Variants in CDH5 observed in about 807,000 individuals in gnomAD.
The protein encoded by CDH5 is cadherin 5.
A neutral mutation model predicts 62.0 loss-of-function variants in CDH5; 28 were observed. The observed-to-expected ratio is 0.45, with a 90% CI of 0.33 to 0.62. CDH5 has a LOEUF of 0.62. Among genes scored for constraint, CDH5 ranks in the 20% least tolerant of loss-of-function variants. CDH5 has a pLI of 0.02. For synonymous variants in CDH5, 464 were observed against 445.8 expected (o/e 1.04, Z -0.52); for missense variants, 940 against 1,065.1 (o/e 0.88, Z 1.63).
chr16:66,373,663 C>T (rs531819038), intron 1 of CDH5, among the ~76,000 whole-genome samples: 5 of 152,066 alleles, frequency 3.3e-5, no homozygotes, highest in Non-Finnish European at 7.4e-5. Context: ...GTGATCCACC[C>T]GCCACAGTTT....
intron 11 of CDH5, 54 bp from the exon 12 acceptor site, chr16:66,402,598 G>T (rs1274471292): frequency 1.4e-6 from 2 of 1,420,810 alleles, no homozygotes; most frequent in Non-Finnish European, 1.9e-6. Flanking sequence ...GGCATGGGGG[G>T]CCGCCCAGGC....
chr16:66,396,269 T>A (rs1165815226), intron 8 of CDH5, 68 bp downstream of exon 8: 3 of 1,595,574 alleles, frequency 1.9e-6, no homozygotes, highest in Non-Finnish European at 2.6e-6. Flanking sequence ...AAAACTGGCA[T>A]AATCAATAAT....
intron 1 of CDH5, among the ~76,000 whole-genome samples, chr16:66,379,060 G>A (rs1960835476): frequency 6.6e-6 from 1 of 152,184 alleles, no homozygotes; most frequent in Non-Finnish European, 1.5e-5. Flanking sequence ...CTGAGGCAGA[G>A]GGTGAGGAGT....
rs1239329000 is a variant in CDH5, at chr16:66,403,372, T to G, written c.*203T>G. 3 of 590,882 alleles carry G rather than the reference T, an allele frequency of 5.1e-6. No individual in the cohort carries two copies. In the African/African-American group the frequency reaches 5.6e-5, roughly 11 times the overall value. The allele number at this position is 590,882 out of a possible 1,614,324, so 36.6% of individuals were successfully genotyped here. A position where few individuals can be genotyped will look rare whatever the true frequency, so the allele number is the denominator to read the frequency against. On this transcript the variant is annotated 3_prime_UTR_variant, in exon 12 of 12. Coordinates refer to ENST00000341529, the MANE Select transcript of CDH5 (RefSeq NM_001795.5). The surrounding 1 kb of genome is among the most constrained non-coding windows in gnomAD (Gnocchi z 4.3). ...AGGAATATATGTCAGTGATGACTATTCTCAAATGCTGGCAAATCCAGGCTG... is the reference window on the plus strand; with the variant it reads ...AGGAATATATGTCAGTGATGACTATGCTCAAATGCTGGCAAATCCAGGCTG...
intron 2 of CDH5, among the ~76,000 whole-genome samples, chr16:66,379,933 G>C (rs111169403): frequency 2.1e-5 from 2 of 95,954 alleles, no homozygotes; most frequent in Admixed American, 2.1e-4. Flanking sequence ...AGGTGTTGGT[G>C]GTGATCACGG....
intron 1 of CDH5, among the ~76,000 whole-genome samples, chr16:66,375,070 G>C (rs8051913): frequency 0.032 from 4,942 of 152,178 alleles, 202 homozygotes; most frequent in African/African-American, 0.097. Flanking sequence ...CTTACACAAA[G>C]AAATCTGGAT....
Position 66,392,335 on chromosome 16 carries a change from T to A in CDH5, c.1169T>A (p.Ile390Asn), listed in dbSNP as rs772555217. ...QLKENQKKPLIGTVLAMDPDA... is the reference protein window; with the variant it reads ...QLKENQKKPLNGTVLAMDPDA... ...AAGGAAAACCAGAAGAAGCCTCTGA[T>A]TGGCACAGTGCTGGCCATGGACCCT... is the stretch of plus-strand genomic sequence containing the variant. The change falls in exon 7 of 12, where the codon ATT becomes AAT. Residue 390 changes from isoleucine (I) to asparagine (N), a missense_variant. Coordinates refer to ENST00000341529, the MANE Select transcript of CDH5 (RefSeq NM_001795.5). 1.2e-6 allele frequency: 2 copies of A among 1,614,194 alleles called. No individual in the cohort carries two copies. Among genetic ancestry groups the A allele is most frequent in the East Asian group, 4.5e-5 (2 of 44,882 alleles).
At chr16:66,385,029 C>T (rs1299547491) in intron 2 of CDH5, among the ~76,000 whole-genome samples, 2 of 150,490 alleles carry the variant, frequency 1.3e-5, no homozygotes, top group African/African-American at 4.9e-5. Flanking sequence ...AGGCTGCAAA[C>T]CTAGATCCTG....
chr16:66,374,278 T>G (rs889223036), intron 1 of CDH5, among the ~76,000 whole-genome samples: 13 of 151,958 alleles, frequency 8.6e-5, no homozygotes, highest in African/African-American at 2.9e-4. Flanking sequence ...GGCATGGGGG[T>G]GCAAATGGGA....
At chr16:66,367,885 A>C (rs2142298595) in intron 1 of CDH5, among the ~76,000 whole-genome samples, 1 of 152,306 alleles carries the variant, frequency 6.6e-6, no homozygotes, top group Non-Finnish European at 1.5e-5. Context: ...GGAATGGCAC[A>C]TAACATGAGA....
At chr16:66,396,326 G>T in intron 8 of CDH5, 125 bp downstream of exon 8, 3 of 1,159,070 alleles carry the variant, frequency 2.6e-6, no homozygotes, top group Non-Finnish European at 2.5e-6. Context: ...GCACCCGCTG[G>T]TTGGGATGCT....
At chr16:66,371,999 C>T (rs947594933) in intron 1 of CDH5, among the ~76,000 whole-genome samples, 6 of 152,166 alleles carry the variant, frequency 3.9e-5, no homozygotes, top group Non-Finnish European at 5.9e-5. Flanking sequence ...AGAGCTGAGC[C>T]GATCTCACAG....
At chr16:66,381,822 G>A (rs910951479) in intron 2 of CDH5, among the ~76,000 whole-genome samples, 21 of 152,214 alleles carry the variant, frequency 1.4e-4, no homozygotes, top group Admixed American at 1.3e-3. Flanking sequence ...CAGATTGCCC[G>A]CAGCTGCTTT....
intron 5 of CDH5, among the ~76,000 whole-genome samples, chr16:66,389,965 C>T (rs1384568761): frequency 6.6e-6 from 1 of 152,232 alleles, no homozygotes; most frequent in African/African-American, 2.4e-5. Flanking sequence ...ACTGATCCAC[C>T]CCACAGAGAA....
chr16:66,397,388 G>A (rs775660968), intron 8 of CDH5, among the ~76,000 whole-genome samples: 6 of 152,018 alleles, frequency 3.9e-5, no homozygotes, highest in Non-Finnish European at 8.8e-5. Context: ...CCCAGCAAAT[G>A]TCTTAATTTT....
At chr16:66,399,179 G>A (rs756654717) in intron 10 of CDH5, among the ~76,000 whole-genome samples, 12 of 152,170 alleles carry the variant, frequency 7.9e-5, no homozygotes, top group East Asian at 1.9e-4. Flanking sequence ...CAGCTACAAC[G>A]ATTACTCACG....
At chr16:66,371,583 G>T (rs1960691061) in intron 1 of CDH5, among the ~76,000 whole-genome samples, 1 of 152,168 alleles carries the variant, frequency 6.6e-6, no homozygotes, top group South Asian at 2.1e-4. Context: ...ATGTTTGAGG[G>T]TGTCACAGGT....
chr16:66,378,258 T>A (rs1960820419), intron 1 of CDH5, among the ~76,000 whole-genome samples: 1 of 152,208 alleles, frequency 6.6e-6, no homozygotes, highest in African/African-American at 2.4e-5. Flanking sequence ...TCTTACCCCA[T>A]AGCAGCTGCT....
chr16:66,368,958 C>G (rs1464457272), intron 1 of CDH5, among the ~76,000 whole-genome samples: 1 of 152,208 alleles, frequency 6.6e-6, no homozygotes, highest in African/African-American at 2.4e-5. Flanking sequence ...CTGTCCTGAT[C>G]CAGGTTCAAG....
Sources: allele counts gnomAD v4.1 joint callset (sites outside exome capture counted in the v4.1 genomes callset), GRCh38; gene constraint gnomAD v4.1.1; non-coding constraint Gnocchi (gnomAD v3.1); transcripts MANE v1.5; gene names NCBI Gene and HGNC (gene_info 2026-07-23, HGNC 2026-07-21).